Variants in C7orf33 observed in about 807,000 individuals in gnomAD.
C7orf33 encodes the protein chromosome 7 open reading frame 33.
In C7orf33, 15 loss-of-function variants were observed where a neutral mutation model predicts 13.4. The ratio of observed to expected loss-of-function variants is 1.12; its 90% CI spans 0.75 to 1.72. The LOEUF (loss-of-function observed/expected upper bound fraction) is 1.72. Ranked by LOEUF, C7orf33 falls within the 40% of genes most tolerant of loss-of-function variation. The pLI is 0.00. For synonymous variants in C7orf33, 73 were observed against 83.2 expected, an observed-to-expected ratio of 0.88 and a Z score of 0.67; for missense variants, 187 against 220.3, an observed-to-expected ratio of 0.85 and a Z score of 0.96.
intron 1 of C7orf33, among the ~76,000 whole-genome samples, chr7:148,596,382 C>A (rs1469930420): frequency 6.6e-6 from 1 of 152,180 alleles, no homozygotes; most frequent in Non-Finnish European, 1.5e-5. Flanking sequence ...GTTACAGTCT[C>A]ATTCACTGCT....
chr7:148,612,913 AC>A (rs1222839688), intron 1 of C7orf33, among the ~76,000 whole-genome samples: 1 of 151,986 alleles, frequency 6.6e-6, no homozygotes, highest in East Asian at 1.9e-4. Flanking sequence ...ATATTTCCAT[AC>A]ATGTATACAA....
At chr7:148,599,938 A>G (rs2116893020) in intron 1 of C7orf33, among the ~76,000 whole-genome samples, 1 of 152,204 alleles carries the variant, frequency 6.6e-6, no homozygotes, top group Non-Finnish European at 1.5e-5. Flanking sequence ...TCCAAACTCC[A>G]TCTACACGCC....
intron 1 of C7orf33, among the ~76,000 whole-genome samples, chr7:148,595,645 G>T (rs866133010): frequency 2.9e-5 from 2 of 70,134 alleles, no homozygotes; most frequent in South Asian, 4.9e-4. Flanking sequence ...ATATTATATA[G>T]ATATAATATA....
rs770294338 is a variant in C7orf33, at chr7:148,590,785, C to T, written c.-141C>T. The T allele has an allele frequency of 2.0e-5, 15 of 750,714 alleles. No homozygotes were observed. The highest frequency in any genetic ancestry group is 2.7e-5 in the Non-Finnish European group (12 of 439,218). The allele number at this position is 750,714 out of a possible 1,614,324, so 46.5% of individuals were successfully genotyped here. ...GACCTTACTTATGGTGATGCCAATC[C>T]AGTGGTCAGGAGCGAGGCGCCCAGC... On this transcript the variant is annotated 5_prime_UTR_variant, in exon 1 of 3. An upstream open reading frame in the 5' UTR gains an earlier in-frame stop. Transcript: ENST00000307003.
intron 1 of C7orf33, 32 bp from the exon 2 acceptor site, chr7:148,614,010 A>G (rs370035033): frequency 1.6e-4 from 255 of 1,573,952 alleles, no homozygotes; most frequent in Non-Finnish European, 2.1e-4. Flanking sequence ...CCACCCTTTA[A>G]CCCAATTTGT....
chr7:148,597,107 T>C (rs1376681340), intron 1 of C7orf33, among the ~76,000 whole-genome samples: 2 of 152,064 alleles, frequency 1.3e-5, no homozygotes, highest in African/African-American at 4.8e-5. Flanking sequence ...CAATTATGAA[T>C]ACAGCTGCTT....
intron 1 of C7orf33, among the ~76,000 whole-genome samples, chr7:148,593,334 C>T (rs1796289954): frequency 6.6e-6 from 1 of 152,190 alleles, no homozygotes; most frequent in South Asian, 2.1e-4. Context: ...TCAATCTTGG[C>T]TCACTGCAAC....
chr7:148,603,767 C>G (rs529326582), intron 1 of C7orf33, among the ~76,000 whole-genome samples: 2 of 152,276 alleles, frequency 1.3e-5, no homozygotes, highest in Admixed American at 1.3e-4. Context: ...CAGGAGAGAG[C>G]CTTCTTAAAC....
intron 1 of C7orf33, among the ~76,000 whole-genome samples, chr7:148,594,180 T>TC (rs1414865845): frequency 6.7e-6 from 1 of 150,114 alleles, no homozygotes; most frequent in Non-Finnish European, 1.5e-5. Flanking sequence ...TCTTTTTTTT[T>TC]TTTTTTTTTT....
Position 148,615,395 on chromosome 7 carries a change from C to A in C7orf33, c.528C>A (p.Ser176Arg). The change falls in exon 3 of 3, where the codon AGC (serine) becomes AGA (arginine). Residue 176 changes from serine (S) to arginine (R), a missense_variant. By Grantham distance (110) the Ser-to-Arg change is moderately radical. Transcript: ENST00000307003. Reference protein sequence around the residue: ...VEATRISRTDSS With the variant: ...VEATRISRTDRS ...CCACAAGGATTTCCAGAACTGACAGCAGTTAAGAATTTTGCAGAATCTAAG... is the reference window on the plus strand; with the variant it reads ...CCACAAGGATTTCCAGAACTGACAGAAGTTAAGAATTTTGCAGAATCTAAG... The A allele has an allele frequency of 6.2e-7, 1 of 1,609,372 alleles. No homozygotes were observed. Among genetic ancestry groups the A allele is most frequent in the Non-Finnish European group, 8.5e-7 (1 of 1,175,800 alleles).
Position 148,615,588 on chromosome 7 carries a change from C to T in C7orf33, c.*187C>T, listed in dbSNP as rs1403763290. The T allele has an allele frequency of 4.0e-6, 2 of 497,500 alleles. No individual in the cohort carries two copies. The highest frequency in any genetic ancestry group is 7.3e-6 in the Non-Finnish European group (2 of 272,562). 30.8% of individuals were successfully genotyped at this position (497,500 alleles called of 1,614,324 possible). A position where few individuals can be genotyped will look rare whatever the true frequency, so the allele number is the denominator to read the frequency against. On this transcript the variant is annotated 3_prime_UTR_variant, in exon 3 of 3. Transcript: ENST00000307003. ...TTCTCTTTGATCATGAGCCCAAGTT[C>T]CACGTGTACCTGCAGGAATCTGTGT...
chr7:148,591,620 AC>A (rs1347595033), intron 1 of C7orf33, among the ~76,000 whole-genome samples: 1 of 152,040 alleles, frequency 6.6e-6, no homozygotes. Flanking sequence ...TTGCTCTGTC[AC>A]CCAGGCTGGA....
rs118097854 is a variant in C7orf33 at position 148,591,705 on chromosome 7, C to T, written c.204+576C>T. ...AAGTGATCCTCCCAGAGGAGCCTCC[C>T]GGGTGGCTAGGACTACAGCCATGTG... On this transcript the variant is annotated intron_variant, in intron 1 of 2. Transcript: ENST00000307003. Among the ~76,000 whole-genome samples the T allele has an allele frequency of 9.3e-3, 1,413 of 152,166 alleles. 11 individuals are homozygous for T. Among genetic ancestry groups the T allele is most frequent in the Non-Finnish European group, 0.013 (860 of 68,000 alleles).
intron 1 of C7orf33, among the ~76,000 whole-genome samples, chr7:148,607,818 A>G (rs1361925459): frequency 3.3e-5 from 5 of 152,180 alleles, no homozygotes; most frequent in Non-Finnish European, 7.3e-5. Context: ...GGCGAGCCTG[A>G]CACTTATACT....
At chr7:148,598,308 T>C (rs181408802) in intron 1 of C7orf33, among the ~76,000 whole-genome samples, 25 of 152,262 alleles carry the variant, frequency 1.6e-4, no homozygotes, top group Admixed American at 2.0e-4. Flanking sequence ...TACTTCTTTG[T>C]TGATGGACAC....
intron 1 of C7orf33, among the ~76,000 whole-genome samples, chr7:148,608,039 C>T (rs949488485): frequency 7.2e-5 from 11 of 152,088 alleles, no homozygotes; most frequent in Non-Finnish European, 1.5e-4. Context: ...TTTGTCCATT[C>T]CTGCTTAAAA....
intron 2 of C7orf33, 137 bp downstream of exon 2, chr7:148,614,433 C>A: frequency 9.7e-7 from 1 of 1,030,908 alleles, no homozygotes; most frequent in Non-Finnish European, 1.4e-6. Context: ...GAATGTCCAG[C>A]ATGAAACTGA....
rs571365070 is a variant in C7orf33, at chr7:148,593,341, C to A, written c.204+2212C>A. Among the ~76,000 whole-genome samples, 14 of 152,326 alleles carry A rather than the reference C, an allele frequency of 9.2e-5. No individual in the cohort carries two copies. The South Asian group carries it at 2.9e-3, about 32-fold the overall frequency. On this transcript the variant is annotated intron_variant, in intron 1 of 2. Transcript: ENST00000307003. The stretch of plus-strand genomic sequence containing the variant: ...GCAATGGCTCAATCTTGGCTCACTG[C>A]AACATCCGCCTCCTGGATTCAAGTA...
Position 148,590,931 on chromosome 7 carries a change from A to G in C7orf33, c.6A>G (p.Gln2=). Residue 2 remains glutamine (Q), a synonymous_variant, in exon 1 of 3, where the codon CAA becomes CAG. Coordinates refer to ENST00000307003, the MANE Select transcript of C7orf33 (RefSeq NM_145304.4). ...AGGTAATTACCTTTGCCAAAATGCA[A>G]GTGGAAGTTCAAAGCCTCAGCCTTG... The part of the protein sequence containing the change: M[Q]VEVQSLSLEE... The G allele has an allele frequency of 6.2e-7, 1 of 1,614,108 alleles. No homozygotes were observed. The highest frequency in any genetic ancestry group is 8.5e-7 in the Non-Finnish European group (1 of 1,179,994).
Sources: gnomAD v4.1 joint callset for allele counts (sites outside exome capture counted in the v4.1 genomes callset) on GRCh38, gnomAD v4.1.1 for gene constraint, MANE v1.5 for transcripts, NCBI Gene and HGNC (gene_info 2026-07-23, HGNC 2026-07-21) for gene names.